The following SEC14L6 variants were observed in gnomAD, a reference collection of about 807,000 sequenced individuals.
SEC14L6 encodes the protein SEC14-like protein 6.
In SEC14L6, 40 loss-of-function variants were observed where a neutral mutation model predicts 54.1. That is an observed-to-expected ratio of 0.74 (90% CI 0.57 to 0.96). The LOEUF is 0.96. Among genes scored for constraint, SEC14L6 ranks in the 40% least tolerant of loss-of-function variants. The probability of loss-of-function intolerance (pLI) is 0.00; values close to 1 mark genes in which losing one functional copy is unlikely to be tolerated. For synonymous variants in SEC14L6, 171 were observed against 198.4 expected (o/e 0.86, Z 1.16); for missense variants, 471 against 498.3 (o/e 0.95, Z 0.52).
Position 30,525,333 on chromosome 22 carries a change from T to C in SEC14L6, c.1081+17A>G. The C allele has an allele frequency of 4.3e-6, 7 of 1,612,998 alleles. No individual in the cohort carries two copies. Among genetic ancestry groups the C allele is most frequent in the Non-Finnish European group, 5.9e-6 (7 of 1,179,522 alleles). ...TAGCCCCCAGCTCCAGGTAGAGCCA[T>C]CCCTGCCAACTCTTACAGCTGCCGG... On this transcript the variant is annotated intron_variant, in intron 11 of 11. Coordinates refer to ENST00000402034, the MANE Select transcript of SEC14L6 (RefSeq NM_001193336.4).
intron 3 of SEC14L6, among the ~76,000 whole-genome samples, chr22:30,533,763 T>C (rs1043167223): frequency 1.3e-5 from 2 of 152,194 alleles, no homozygotes; most frequent in East Asian, 3.9e-4. Flanking sequence ...GCTGTCTTCA[T>C]TGTACTTTCC....
rs773725890 is a variant in SEC14L6 at position 30,525,737 on chromosome 22, C to G, written c.785G>C (p.Gly262Ala). 7.4e-6 allele frequency: 12 copies of G among 1,613,966 alleles called. No homozygotes were observed. In the East Asian group the frequency reaches 2.5e-4, roughly 33 times the overall value. ...CAGGTAGTAGCTCTTGGGCACCTCA[C>G]CCCCGTAGTTGATCTGTGGGTGAAG... ...PKCLTKINYG[G>A]EVPKSYYLCK... The change falls in exon 10 of 12, where the codon GGT (glycine) becomes GCT (alanine). Residue 262 changes from glycine to alanine, a missense_variant. Coordinates refer to ENST00000402034, the MANE Select transcript of SEC14L6 (RefSeq NM_001193336.4).
intron 1 of SEC14L6, chr22:30,543,741 C>G (rs1009644352): frequency 7.6e-6 from 12 of 1,582,704 alleles, no homozygotes; most frequent in Middle Eastern, 1.7e-4. Flanking sequence ...TGGAGGCTCT[C>G]TACCTCGTCC....
At chr22:30,544,732 G>T (rs2085781133) in intron 1 of SEC14L6, among the ~76,000 whole-genome samples, 1 of 151,972 alleles carries the variant, frequency 6.6e-6, no homozygotes, top group Non-Finnish European at 1.5e-5. Context: ...AGACTCCCTG[G>T]GGCCCAACTG....
rs1936712719 is a variant in SEC14L6, at chr22:30,524,910, G to A, written c.*87C>T. Reference sequence around the variant, plus strand: ...TGTTGTAGAATCCCTGTTCCTGAGAGGTTGAACAGGGTCTGGCCAGGGAAG... The same window carrying A: ...TGTTGTAGAATCCCTGTTCCTGAGAAGTTGAACAGGGTCTGGCCAGGGAAG... On this transcript the variant is annotated 3_prime_UTR_variant, in exon 12 of 12. Transcript: ENST00000402034. The A allele has an allele frequency of 2.7e-6, 2 of 731,122 alleles. No homozygotes were observed. Among genetic ancestry groups the A allele is most frequent in the African/African-American group, 3.5e-5 (2 of 57,624 alleles). 45.3% of individuals were successfully genotyped at this position (731,122 alleles called of 1,614,324 possible). A position where few individuals can be genotyped will look rare whatever the true frequency, so the allele number is the denominator to read the frequency against.
chr22:30,529,257 A>T, intron 7 of SEC14L6, 32 bp downstream of exon 7: 1 of 1,548,422 alleles, frequency 6.5e-7, no homozygotes, highest in Non-Finnish European at 8.7e-7. Flanking sequence ...CTGTCCCCCC[A>T]ACTCATGCAT....
rs8138980 is a variant in SEC14L6, at chr22:30,531,895, C to T, written c.519+8G>A. 17,316 of 1,548,438 alleles carry T rather than the reference C, an allele frequency of 0.011. 869 individuals carry two copies. In the African/African-American group the frequency reaches 0.14, roughly 12 times the overall value. ...CACCCACCCATGCCCCTGGCGGGGT[C>T]ACCTCACCTCCTGGAGAAGCTCTAT... is the stretch of plus-strand genomic sequence containing the variant. On this transcript the variant is annotated splice_region_variant and intron_variant, in intron 6 of 11. Coordinates refer to ENST00000402034, the MANE Select transcript of SEC14L6 (RefSeq NM_001193336.4).
At chr22:30,531,046 G>A (rs1346085485) in intron 6 of SEC14L6, among the ~76,000 whole-genome samples, 1 of 152,152 alleles carries the variant, frequency 6.6e-6, no homozygotes, top group South Asian at 2.1e-4. Flanking sequence ...GGTGACCTGG[G>A]GGTGCCACGC....
In SEC14L6 at chr22:30,523,755, G is replaced by A. The variant is rs1011531235; in HGVS notation, c.*1242C>T. On this transcript the variant is annotated 3_prime_UTR_variant, in exon 12 of 12. Coordinates refer to ENST00000402034, the MANE Select transcript of SEC14L6 (RefSeq NM_001193336.4). ...GGAGGGAACGTGTATGTGGAAGACA[G>A]AATAGAGAGTTTAAAATTCTTTCTA... The A allele has an allele frequency of 1.3e-5, 2 of 152,204 alleles. No individual in the cohort carries two copies. The highest frequency in any genetic ancestry group is 2.9e-5 in the Non-Finnish European group (2 of 68,048). The allele number at this position is 152,204 out of a possible 1,614,324, so 9.4% of individuals were successfully genotyped here.
At chr22:30,542,868 A>G in intron 1 of SEC14L6, 1 of 1,599,042 alleles carries the variant, frequency 6.3e-7, no homozygotes, top group Non-Finnish European at 8.6e-7. Flanking sequence ...TCACAAAGAG[A>G]ACCAACATGG....
Position 30,532,709 on chromosome 22 carries a change from A to T in SEC14L6, c.239T>A (p.Val80Asp). The T allele has an allele frequency of 1.9e-6, 3 of 1,569,586 alleles. No homozygotes were observed. Among genetic ancestry groups the T allele is most frequent in the South Asian group, 2.3e-5 (2 of 86,532 alleles). ...NILAWQPPEV[V>D]RLYNANGICG... The stretch of plus-strand genomic sequence containing the variant: ...TATGCCGTTAGCGTTGTACAGCCTG[A>T]CCACCTGGATGCATACACAGGAGAC... Residue 80 changes from valine (V) to aspartate (D), a missense_variant, in exon 5 of 12, where the codon GTC becomes GAC. Transcript: ENST00000402034.
At position 30,532,670 on chromosome 22, in the gene SEC14L6, C is replaced by T. The variant is rs907972107; in HGVS notation, c.278G>A (p.Gly93Asp). Residue 93 changes from glycine (G) to aspartate (D), a missense_variant, in exon 5 of 12, where the codon GGT (glycine) becomes GAT (aspartate). Physicochemically the swap from Gly to Asp is moderately conservative, Grantham distance 94. Coordinates refer to ENST00000402034, the MANE Select transcript of SEC14L6 (RefSeq NM_001193336.4). ...GTGGTACCAGACAGGGCTGCCCTCA[C>T]CGTCGTGGCCGCATATGCCGTTAGC... is the stretch of plus-strand genomic sequence containing the variant. ...YNANGICGHD[G>D]EGSPVWYHIV... The T allele has an allele frequency of 5.8e-6, 9 of 1,551,672 alleles. No individual in the cohort carries two copies. The highest frequency in any genetic ancestry group is 2.0e-5 in the Admixed American group (1 of 51,022).
At chr22:30,533,244 G>A (rs767938312) in intron 3 of SEC14L6, 2 of 605,772 alleles carry the variant, frequency 3.3e-6, no homozygotes, top group Non-Finnish European at 4.1e-6. Context: ...ATGTGTTGGG[G>A]CCACCCTGTA....
chr22:30,539,406 T>C (rs2085657965), intron 1 of SEC14L6, among the ~76,000 whole-genome samples: 1 of 152,040 alleles, frequency 6.6e-6, no homozygotes, highest in Admixed American at 6.6e-5. Flanking sequence ...ACACTAAACA[T>C]CAGAGAGAAT....
chr22:30,525,498 A>C lies in SEC14L6; in HGVS notation c.933T>G (p.Gly311=), dbSNP rs538892118. ...GGAAAACCCCAAAGCCAATGTCCCC[A>C]CCATCTGAAGCAAACTGCCACCTGC... ...CVLRWQFASD[G]GDIGFGVFLK... The change falls in exon 11 of 12, where the codon GGT becomes GGG. Residue 311 remains glycine, a synonymous_variant. Transcript: ENST00000402034. 6.2e-7 allele frequency: 1 copy of C among 1,613,996 alleles called. No individual in the cohort carries two copies. The highest frequency in any genetic ancestry group is 1.3e-5 in the African/African-American group (1 of 74,986).
rs1481257784 is a variant in SEC14L6 at position 30,546,730 on chromosome 22, G to A, written c.-48C>T. The A allele has an allele frequency of 1.3e-5, 20 of 1,505,856 alleles. No homozygotes were observed. The highest frequency in any genetic ancestry group is 1.8e-5 in the Non-Finnish European group (20 of 1,110,124). The allele number at this position is 1,505,856 out of a possible 1,614,324, so 93.3% of individuals were successfully genotyped here. On this transcript the variant is annotated 5_prime_UTR_variant, in exon 1 of 12. Coordinates refer to ENST00000402034, the MANE Select transcript of SEC14L6 (RefSeq NM_001193336.4). ...CTCCACTCTGTGGCTCCCTCCAGGTGGCCTGCCTTTTGCCAGCTGGTAGCC... is the reference window on the plus strand; with the variant it reads ...CTCCACTCTGTGGCTCCCTCCAGGTAGCCTGCCTTTTGCCAGCTGGTAGCC...
intron 1 of SEC14L6, chr22:30,542,581 C>T: frequency 6.8e-7 from 1 of 1,468,718 alleles, no homozygotes; most frequent in Non-Finnish European, 9.0e-7. Context: ...CCATGGAGCC[C>T]GCGGGCCGGT....
In SEC14L6 at chr22:30,525,394, A is replaced by G. The variant is rs2146234594; in HGVS notation, c.1037T>C (p.Met346Thr). 6.2e-7 allele frequency: 1 copy of G among 1,614,164 alleles called. No individual in the cohort carries two copies. The highest frequency in any genetic ancestry group is 2.2e-5 in the East Asian group (1 of 44,884). ...VLPSQRYNAH[M>T]VPEDGILTCL... ...GGTGAGAATCCCATCTTCAGGCACC[A>G]TGTGGGCATTGTAGCGCTGGCTGGG... Residue 346 changes from methionine to threonine, a missense_variant, in exon 11 of 12, where the codon ATG becomes ACG. Coordinates refer to ENST00000402034, the MANE Select transcript of SEC14L6 (RefSeq NM_001193336.4).
At position 30,524,958 on chromosome 22, in the gene SEC14L6, A is replaced by C; in HGVS notation, c.*39T>G. The C allele has an allele frequency of 6.8e-6, 7 of 1,029,924 alleles. No individual in the cohort carries two copies. Among genetic ancestry groups the C allele is most frequent in the Non-Finnish European group, 1.0e-5 (7 of 671,558 alleles). 63.8% of individuals were successfully genotyped at this position (1,029,924 alleles called of 1,614,324 possible). A position where few individuals can be genotyped will look rare whatever the true frequency, so the allele number is the denominator to read the frequency against. ...AAGGCTGTGAACTCATTGTGGATTC[A>C]GAGATCAAAGAGGAGGGTGTGGGGA... is the stretch of plus-strand genomic sequence containing the variant. On this transcript the variant is annotated 3_prime_UTR_variant, in exon 12 of 12. Coordinates refer to ENST00000402034, the MANE Select transcript of SEC14L6 (RefSeq NM_001193336.4).
Sources: allele counts gnomAD v4.1 joint callset (sites outside exome capture counted in the v4.1 genomes callset), GRCh38; gene constraint gnomAD v4.1.1; transcripts MANE v1.5; gene names NCBI Gene and HGNC (gene_info 2026-07-23, HGNC 2026-07-21).